Variants in INPP5F observed in about 807,000 individuals in gnomAD.
INPP5F encodes inositol polyphosphate-5-phosphatase F, also known as phosphatidylinositide 4-phosphatase SAC2.
A neutral mutation model predicts 137.2 loss-of-function variants in INPP5F; 97 were observed. That is an observed-to-expected ratio of 0.71 (90% CI 0.60 to 0.84). INPP5F has a LOEUF of 0.84. INPP5F is among the 40% of genes least tolerant of loss of function. The pLI, the probability that INPP5F is intolerant of heterozygous loss-of-function variation, is 0.00. For synonymous variants in INPP5F, 504 were observed against 476.9 expected (o/e 1.06, Z -0.74); for missense variants, 1,271 against 1,371.9 (o/e 0.93, Z 1.16).
intron 2 of INPP5F, 120 bp downstream of exon 2, chr10:119,751,276 C>A (rs1564808007): frequency 4.2e-6 from 3 of 713,538 alleles, no homozygotes; most frequent in South Asian, 1.6e-5. Context: ...AATTTTGGGT[C>A]TGCTCAAAGT....
intron 2 of INPP5F, among the ~76,000 whole-genome samples, chr10:119,779,935 T>G (rs777964633): frequency 7.9e-5 from 12 of 152,202 alleles, no homozygotes; most frequent in Non-Finnish European, 1.8e-4. Flanking sequence ...TGGTAAAAAG[T>G]ACAGTATAGC....
At position 119,827,213 on chromosome 10, in the gene INPP5F, C is replaced by T. The variant is rs576973585; in HGVS notation, c.2832C>T (p.Gly944=). The T allele has an allele frequency of 2.8e-5, 45 of 1,614,050 alleles. No individual in the cohort carries two copies. The highest frequency in any genetic ancestry group is 1.1e-4 in the East Asian group (5 of 44,880). The change falls in exon 20 of 20, where the codon GGC becomes GGT. Residue 944 remains glycine (G), a synonymous_variant. Transcript: ENST00000650623. ...ESPLKKSPSA[G]DVHILTGFAK... ...CTTTGAAGAAAAGTCCTTCTGCTGG[C>T]GACGTACACATATTGACTGGCTTTG...
intron 1 of INPP5F, among the ~76,000 whole-genome samples, chr10:119,744,206 A>G (rs150786640): frequency 6.4e-4 from 97 of 152,230 alleles, no homozygotes; most frequent in African/African-American, 2.2e-3. Flanking sequence ...CTTTTTCTTG[A>G]CAACACTGAG....
intron 2 of INPP5F, among the ~76,000 whole-genome samples, chr10:119,753,126 A>G (rs1848735825): frequency 6.6e-6 from 1 of 152,200 alleles, no homozygotes; most frequent in South Asian, 2.1e-4. Flanking sequence ...TTACCTACAT[A>G]TATTTTTAAT....
Position 119,826,796 on chromosome 10 carries a change from CTT to C in INPP5F, c.2417_2418del (p.Phe806TyrfsTer4), listed in dbSNP as rs766615960. The C allele has an allele frequency of 1.9e-6, 3 of 1,613,784 alleles. No homozygotes were observed. Among genetic ancestry groups the C allele is most frequent in the African/African-American group, 1.3e-5 (1 of 74,982 alleles). On this transcript the variant is annotated frameshift_variant, in exon 20 of 20. Transcript: ENST00000650623. LOFTEE classifies it high-confidence loss of function. ...NIGNLRKLGN[F>X]TKPEMKVNFL... ...TTGGCAACCTCCGAAAGCTAGGAAA[CTT>C]TACCAAACCTGAAATGAAAGTTAAC...
chr10:119,769,973 A>AT (rs1045959806), intron 2 of INPP5F, among the ~76,000 whole-genome samples: 11 of 150,506 alleles, frequency 7.3e-5, no homozygotes, highest in Admixed American at 2.0e-4. Context: ...CAGGAGAAAA[A>AT]TTTTTTTTTC....
intron 2 of INPP5F, among the ~76,000 whole-genome samples, chr10:119,771,261 T>C (rs1849325850): frequency 6.6e-6 from 1 of 152,210 alleles, no homozygotes; most frequent in African/African-American, 2.4e-5. Flanking sequence ...TTTTTAAGGA[T>C]TGTCCATGTT....
In INPP5F at chr10:119,807,899, T is replaced by C. The variant is rs199670706; in HGVS notation, c.1441-33T>C. ...TTTTTTGCTATGGTTTCCTGGCCCA[T>C]ATACAGTTAATCCACCAATGTGTTC... is the stretch of plus-strand genomic sequence containing the variant. On this transcript the variant is annotated intron_variant, in intron 12 of 19. Coordinates refer to ENST00000650623, the MANE Select transcript of INPP5F (RefSeq NM_014937.4). The C allele has an allele frequency of 1.0e-4, 162 of 1,583,912 alleles. No individual in the cohort carries two copies. In the African/African-American group the frequency reaches 1.9e-3, roughly 19 times the overall value.
intron 12 of INPP5F, 63 bp from the exon 13 acceptor site, chr10:119,807,869 A>G: frequency 7.5e-6 from 11 of 1,471,134 alleles, no homozygotes; most frequent in Non-Finnish European, 9.1e-6. Flanking sequence ...TTTCTGCAGT[A>G]CACATTTTTT....
In INPP5F at chr10:119,805,651, G is replaced by A. The variant is rs138316479; in HGVS notation, c.1319+190G>A. Among the ~76,000 whole-genome samples the A allele has an allele frequency of 1.9e-3, 295 of 152,264 alleles. 1 individual carries two copies. The highest frequency in any genetic ancestry group is 6.8e-3 in the African/African-American group (283 of 41,558). On this transcript the variant is annotated intron_variant, in intron 11 of 19. Coordinates refer to ENST00000650623, the MANE Select transcript of INPP5F (RefSeq NM_014937.4). ...GGTGTTAGCTTTGAACAGGGAGAGG[G>A]TGTGAAATGGTCAGGCCAAATGAAG...
Position 119,826,948 on chromosome 10 carries a change from A to G in INPP5F, c.2567A>G (p.Asp856Gly), listed in dbSNP as rs1457431315. Reference protein sequence around the residue: ...ESDGDMSSDNDSYHSDEFLTN... With the variant: ...ESDGDMSSDNGSYHSDEFLTN... ...GATGGGGACATGTCTTCAGATAATG[A>G]CTCATACCACTCTGATGAATTCCTT... Residue 856 changes from aspartate to glycine, a missense_variant, in exon 20 of 20, where the codon GAC becomes GGC. By Grantham distance (94) the Asp-to-Gly change is moderately conservative. Coordinates refer to ENST00000650623, the MANE Select transcript of INPP5F (RefSeq NM_014937.4). The G allele has an allele frequency of 1.2e-6, 2 of 1,613,968 alleles. No homozygotes were observed. The highest frequency in any genetic ancestry group is 8.5e-7 in the Non-Finnish European group (1 of 1,179,844).
chr10:119,805,005 G>A (rs1389632749), intron 10 of INPP5F, among the ~76,000 whole-genome samples: 1 of 152,162 alleles, frequency 6.6e-6, no homozygotes, highest in Non-Finnish European at 1.5e-5. Flanking sequence ...GGGATTACAG[G>A]CATGAGCCAA....
Position 119,826,682 on chromosome 10 carries a change from A to C in INPP5F, c.2301A>C (p.Gln767His). Residue 767 changes from glutamine (Q) to histidine (H), a missense_variant, in exon 20 of 20, where the codon CAA becomes CAC. Gln to His is a conservative substitution (Grantham distance 24, BLOSUM62 0). Around this residue, in one of 6 missense-constraint regions of INPP5F, gnomAD observed 490 missense variants for 443.7 expected, o/e 1.10. Transcript: ENST00000650623. The part of the protein sequence containing the change: ...EDIIGIRSQN[Q>H]GSLAQGKNFL... ...TCATTGGTATCAGGTCTCAAAACCAAGGTTCTTTGGCCCAGGGAAAGAATT... is the reference window on the plus strand; with the variant it reads ...TCATTGGTATCAGGTCTCAAAACCACGGTTCTTTGGCCCAGGGAAAGAATT... 3 of 1,609,034 alleles carry C rather than the reference A, an allele frequency of 1.9e-6. No individual in the cohort carries two copies. The South Asian group carries it at 3.3e-5, about 18-fold the overall frequency.
intron 12 of INPP5F, among the ~76,000 whole-genome samples, chr10:119,806,763 C>T (rs997101778): frequency 1.1e-4 from 16 of 151,964 alleles, no homozygotes; most frequent in Admixed American, 2.6e-4. Flanking sequence ...CTCTCACCTC[C>T]AAGCCCACCC....
At position 119,811,812 on chromosome 10, in the gene INPP5F, G is replaced by A. The variant is rs1419970440; in HGVS notation, c.1743G>A (p.Glu581=). ...TEDLYSIFTK[E]KEHEALHKEN... The stretch of plus-strand genomic sequence containing the variant: ...ATCTTTATTCCATATTTACCAAGGA[G>A]AAAGAACATGAAGCTTTGCATAAGG... The change falls in exon 15 of 20, where the codon GAG becomes GAA. Residue 581 remains glutamate (E), a synonymous_variant. Coordinates refer to ENST00000650623, the MANE Select transcript of INPP5F (RefSeq NM_014937.4). 5 of 1,614,120 alleles carry A rather than the reference G, an allele frequency of 3.1e-6. No homozygotes were observed. The South Asian group carries it at 5.5e-5, about 18-fold the overall frequency.
chr10:119,774,625 C>T (rs1403699971), intron 2 of INPP5F, among the ~76,000 whole-genome samples: 1 of 151,946 alleles, frequency 6.6e-6, no homozygotes, highest in Non-Finnish European at 1.5e-5. Flanking sequence ...CCGACCTAGA[C>T]ATTTCTTAAT....
intron 2 of INPP5F, among the ~76,000 whole-genome samples, chr10:119,763,693 A>C (rs1849072373): frequency 6.6e-6 from 1 of 152,134 alleles, no homozygotes; most frequent in African/African-American, 2.4e-5. Flanking sequence ...CCTTTTTAAA[A>C]ATTTCCATAG....
chr10:119,763,632 C>T (rs1479686299), intron 2 of INPP5F, among the ~76,000 whole-genome samples: 1 of 152,234 alleles, frequency 6.6e-6, no homozygotes, highest in Non-Finnish European at 1.5e-5. Flanking sequence ...CCATATTACT[C>T]TCCTTATCAG....
At chr10:119,797,758 C>G (rs1850436697) in intron 8 of INPP5F, 118 bp downstream of exon 8, 1 of 677,888 alleles carries the variant, frequency 1.5e-6, no homozygotes, top group Non-Finnish European at 2.3e-6. Flanking sequence ...AAAACGATAA[C>G]TTGTATTTGA....
Sources: allele counts gnomAD v4.1 joint callset (sites outside exome capture counted in the v4.1 genomes callset), GRCh38; gene constraint gnomAD v4.1.1; regional missense constraint gnomAD v4.1.1; transcripts MANE v1.5; gene names NCBI Gene and HGNC (gene_info 2026-07-23, HGNC 2026-07-21).